ASTN2: variants seen among roughly 807,000 people sequenced by gnomAD.
The protein encoded by ASTN2 is astrotactin-2.
Under a neutral mutation model 139.8 loss-of-function variants are expected in ASTN2, and 54 were observed. That is an observed-to-expected ratio of 0.39 (90% CI 0.31 to 0.48). The LOEUF (loss-of-function observed/expected upper bound fraction) is 0.48, where lower values mean the gene tolerates loss of function less well. Among genes scored for constraint, ASTN2 ranks in the 20% least tolerant of loss-of-function variants. The pLI, the probability that ASTN2 is intolerant of heterozygous loss-of-function variation, is 0.95. For missense variants in ASTN2, 1,565 were observed against 1,725.1 expected, an observed-to-expected ratio of 0.91 and a Z score of 1.64; for synonymous variants, 756 against 719.5, an observed-to-expected ratio of 1.05 and a Z score of -0.81.
chr9:116,475,652 C>T (rs1321918), intron 20 of ASTN2, among the ~76,000 whole-genome samples: 152,031 of 152,304 alleles, frequency 1, 75,882 homozygotes, highest in Middle Eastern at 1. Flanking sequence ...GTCACTCAAG[C>T]GTTCTTCATG....
chr9:116,718,185 G>T (rs1026326549), intron 16 of ASTN2, among the ~76,000 whole-genome samples: 1 of 152,318 alleles, frequency 6.6e-6, no homozygotes, highest in Middle Eastern at 3.4e-3. Flanking sequence ...TGACATTTGA[G>T]TTGGGTGATA....
At chr9:117,211,619 T>C (rs904613030) in intron 3 of ASTN2, among the ~76,000 whole-genome samples, 2 of 152,194 alleles carry the variant, frequency 1.3e-5, no homozygotes, top group African/African-American at 2.4e-5. Flanking sequence ...TTAAACCTCT[T>C]TTCTTTATAA....
At chr9:116,864,568 G>T (rs1388493426) in intron 10 of ASTN2, among the ~76,000 whole-genome samples, 2 of 152,176 alleles carry the variant, frequency 1.3e-5, no homozygotes, top group African/African-American at 4.8e-5. Context: ...TCTGCAGAAA[G>T]GGCCCGAAAT....
At chr9:117,121,774 C>G (rs887971883) in intron 4 of ASTN2, among the ~76,000 whole-genome samples, 1 of 152,210 alleles carries the variant, frequency 6.6e-6, no homozygotes, top group Non-Finnish European at 1.5e-5. Flanking sequence ...GGGGAAGCCA[C>G]AGGAAACTTA....
intron 13 of ASTN2, among the ~76,000 whole-genome samples, chr9:116,790,272 T>C (rs1830495485): frequency 6.6e-6 from 1 of 152,140 alleles, no homozygotes; most frequent in South Asian, 2.1e-4. Context: ...ATAATTCTCC[T>C]GTGAGGCAGG....
At chr9:117,323,130 G>C (rs988955962) in intron 1 of ASTN2, among the ~76,000 whole-genome samples, 1 of 151,876 alleles carries the variant, frequency 6.6e-6, no homozygotes, top group African/African-American at 2.4e-5. Flanking sequence ...TAGTATGTCT[G>C]GTGCAGAGAC....
chr9:116,510,082 A>G (rs913454447), intron 19 of ASTN2, among the ~76,000 whole-genome samples: 6 of 152,324 alleles, frequency 3.9e-5, no homozygotes, highest in Non-Finnish European at 2.9e-5. Flanking sequence ...GTCCTTGCCC[A>G]TGCCTATGTC....
chr9:116,800,189 G>A (rs1008472606), intron 13 of ASTN2, among the ~76,000 whole-genome samples: 1 of 152,158 alleles, frequency 6.6e-6, no homozygotes, highest in South Asian at 2.1e-4. Context: ...GCCTTCTGCT[G>A]TCTGTCTCTG....
At chr9:116,746,083 CTT>C (rs745554164) in intron 13 of ASTN2, among the ~76,000 whole-genome samples, 32 of 124,248 alleles carry the variant, frequency 2.6e-4, no homozygotes, top group African/African-American at 7.5e-4. Flanking sequence ...AAACTGAGTA[CTT>C]TTTTTTTTTT....
At chr9:117,269,210 G>C (rs920510386) in intron 2 of ASTN2, among the ~76,000 whole-genome samples, 1 of 152,208 alleles carries the variant, frequency 6.6e-6, no homozygotes, top group African/African-American at 2.4e-5. Context: ...AAAGACGCTA[G>C]ACCACGGAGT....
At chr9:116,555,523 G>T (rs1041835999) in intron 19 of ASTN2, among the ~76,000 whole-genome samples, 9 of 152,078 alleles carry the variant, frequency 5.9e-5, no homozygotes, top group Admixed American at 4.6e-4. Flanking sequence ...ACTCTGTGCG[G>T]TCCACCTCCC....
At chr9:117,323,863 G>A (rs945723564) in intron 1 of ASTN2, among the ~76,000 whole-genome samples, 13 of 152,106 alleles carry the variant, frequency 8.5e-5, no homozygotes, top group African/African-American at 3.1e-4. Context: ...AACACTCAGA[G>A]TAAAACTGAG....
At chr9:116,866,779 G>A (rs1253016217) in intron 10 of ASTN2, among the ~76,000 whole-genome samples, 1 of 151,498 alleles carries the variant, frequency 6.6e-6, no homozygotes, top group Non-Finnish European at 1.5e-5. Context: ...TGTAATCCCA[G>A]TTACTCGGGA....
At chr9:116,662,346 G>A (rs934038670) in intron 16 of ASTN2, among the ~76,000 whole-genome samples, 2 of 152,150 alleles carry the variant, frequency 1.3e-5, no homozygotes, top group Non-Finnish European at 2.9e-5. Context: ...GCTAAGGTGG[G>A]CGGATCACCT....
At chr9:117,360,076 C>G (rs575647393) in intron 1 of ASTN2, among the ~76,000 whole-genome samples, 1 of 152,226 alleles carries the variant, frequency 6.6e-6, no homozygotes, top group South Asian at 2.1e-4. Context: ...ACTCTGACCC[C>G]TAGTGTGTGT....
chr9:117,390,924 C>T (rs142329107), intron 1 of ASTN2, among the ~76,000 whole-genome samples: 40 of 152,302 alleles, frequency 2.6e-4, no homozygotes, highest in East Asian at 2.5e-3. Context: ...AACTGTTTTA[C>T]CCCTAGTTAC....
chr9:116,732,196 T>C (rs1828803439), intron 14 of ASTN2, among the ~76,000 whole-genome samples: 2 of 152,180 alleles, frequency 1.3e-5, no homozygotes, highest in African/African-American at 2.4e-5. Context: ...AATCTTGACA[T>C]GACTATAGAC....
At chr9:116,759,488 C>T (rs1726422220) in intron 13 of ASTN2, among the ~76,000 whole-genome samples, 1 of 152,130 alleles carries the variant, frequency 6.6e-6, no homozygotes, top group Admixed American at 6.5e-5. Flanking sequence ...TTTGCTGCTA[C>T]CAGTGCCTGT....
rs890184376 is a variant in ASTN2, at chr9:116,851,249, A to G, written c.2040+12334T>C. ...AAACTGTAAAAAAAACATGATTAGC[A>G]TAAAAGACAGGGTCTTGGCCACTTC... On this transcript the variant is annotated intron_variant, in intron 11 of 22. Transcript: ENST00000313400. 2.0e-5 allele frequency among the ~76,000 whole-genome samples: 3 copies of G among 152,310 alleles called. 1 individual carries two copies. In the South Asian group the frequency reaches 6.2e-4, roughly 32 times the overall value.
Sources: gnomAD v4.1 joint callset for allele counts (sites outside exome capture counted in the v4.1 genomes callset) on GRCh38, gnomAD v4.1.1 for gene constraint, MANE v1.5 for transcripts, NCBI Gene and HGNC (gene_info 2026-07-23, HGNC 2026-07-21) for gene names.